The following UBE3A variants were observed in gnomAD, a reference collection of about 807,000 sequenced individuals.
The protein encoded by UBE3A is ubiquitin protein ligase E3A.
In UBE3A, 6 loss-of-function variants were observed where a neutral mutation model predicts 83.4. The ratio of observed to expected loss-of-function variants is 0.07; its 90% CI spans 0.04 to 0.14. UBE3A has a LOEUF of 0.14. Among genes scored for constraint, UBE3A ranks in the 10% least tolerant of loss-of-function variants. UBE3A has a pLI of 1.00. For missense variants in UBE3A, 456 were observed against 1,036.1 expected, an observed-to-expected ratio of 0.44 and a Z score of 7.69; for synonymous variants, 337 against 355.4, an observed-to-expected ratio of 0.95 and a Z score of 0.58.
Position 25,409,192 on chromosome 15 carries a change from C to T in UBE3A, c.-85G>A, listed in dbSNP as rs1042719021. 5.3e-6 allele frequency: 7 copies of T among 1,332,404 alleles called. No homozygotes were observed. The South Asian group carries it at 6.4e-5, about 12-fold the overall frequency. The allele number at this position is 1,332,404 out of a possible 1,614,324, so 82.5% of individuals were successfully genotyped here. A position where few individuals can be genotyped will look rare whatever the true frequency, so the allele number is the denominator to read the frequency against. On this transcript the variant is annotated 5_prime_UTR_variant, in exon 3 of 13. Transcript: ENST00000648336. Reference sequence around the variant, plus strand: ...AGTCTAGCTGCTACCTTGATCTGAGCGTAGGCTTAATAACTCTAATAAATT... The same window carrying T: ...AGTCTAGCTGCTACCTTGATCTGAGTGTAGGCTTAATAACTCTAATAAATT...
chr15:25,375,419 C>T, intron 5 of UBE3A, 46 bp downstream of exon 5: 8 of 1,599,568 alleles, frequency 5.0e-6, no homozygotes, highest in Non-Finnish European at 6.8e-6. Flanking sequence ...AAATCTCCCA[C>T]ATGGTTTTCA....
At chr15:25,349,920 G>A (rs1168875020) in intron 11 of UBE3A, among the ~76,000 whole-genome samples, 1 of 152,146 alleles carries the variant, frequency 6.6e-6, no homozygotes, top group South Asian at 2.1e-4. Context: ...TGCCCTGGGT[G>A]GAAAGGTGGG....
chr15:25,425,363 T>G (rs1891030469), intron 1 of UBE3A, among the ~76,000 whole-genome samples: 1 of 152,190 alleles, frequency 6.6e-6, no homozygotes, highest in Non-Finnish European at 1.5e-5. Flanking sequence ...ATGAAAATGT[T>G]CTAAAATTCA....
intron 1 of UBE3A, among the ~76,000 whole-genome samples, chr15:25,415,155 A>G (rs1449681335): frequency 6.6e-6 from 1 of 152,110 alleles, no homozygotes; most frequent in Non-Finnish European, 1.5e-5. Context: ...CCTCAAACTT[A>G]CCAACACTGT....
chr15:25,372,583 G>T (rs1313842150), intron 5 of UBE3A, among the ~76,000 whole-genome samples: 1 of 152,206 alleles, frequency 6.6e-6, no homozygotes, highest in Non-Finnish European at 1.5e-5. Flanking sequence ...CACAGAGTTG[G>T]ACCACATTTC....
intron 6 of UBE3A, among the ~76,000 whole-genome samples, chr15:25,365,855 T>C (rs1189644723): frequency 1.3e-5 from 2 of 152,046 alleles, no homozygotes; most frequent in African/African-American, 4.8e-5. Flanking sequence ...TCCAAATTAA[T>C]TTTTTCATGT....
chr15:25,399,387 G>A (rs1229634662), intron 4 of UBE3A, among the ~76,000 whole-genome samples: 1 of 152,148 alleles, frequency 6.6e-6, no homozygotes, highest in South Asian at 2.1e-4. Flanking sequence ...GGTATATGAT[G>A]TGAGATACAG....
intron 1 of UBE3A, among the ~76,000 whole-genome samples, chr15:25,436,577 A>G (rs1047311147): frequency 6.6e-5 from 10 of 152,148 alleles, no homozygotes; most frequent in Admixed American, 6.5e-4. Context: ...TTGAAATAGA[A>G]ATGATCGAAA....
rs995373267 is a variant in UBE3A at position 25,395,433 on chromosome 15, T to C, written c.62+10028A>G. On this transcript the variant is annotated intron_variant, in intron 4 of 12. Coordinates refer to ENST00000648336, the MANE Select transcript of UBE3A (RefSeq NM_130839.5). ...TTAAACAGAGTAAACAGAAGTATAA[T>C]GGTTAAAAAAAATAAAATGAATTAT... Among the ~76,000 whole-genome samples the C allele has an allele frequency of 5.9e-5, 9 of 152,198 alleles. No homozygotes were observed. The Middle Eastern group carries it at 0.01, about 173-fold the overall frequency.
At chr15:25,375,821 C>T in intron 4 of UBE3A, 58 bp from the exon 5 acceptor site, 1 of 1,589,004 alleles carries the variant, frequency 6.3e-7, no homozygotes, top group Admixed American at 1.7e-5. Flanking sequence ...AAGTACAAAG[C>T]TCAACATATC....
At chr15:25,426,073 T>C (rs1891238678) in intron 1 of UBE3A, among the ~76,000 whole-genome samples, 2 of 152,302 alleles carry the variant, frequency 1.3e-5, no homozygotes, top group South Asian at 2.1e-4. Flanking sequence ...ATTTACCTAC[T>C]AACTACAGAA....
At chr15:25,373,269 T>C (rs2080612811) in intron 5 of UBE3A, among the ~76,000 whole-genome samples, 1 of 152,168 alleles carries the variant, frequency 6.6e-6, no homozygotes. Context: ...ACTACTATCC[T>C]ATTAGGACAT....
At chr15:25,418,461 A>G (rs1888049400) in intron 1 of UBE3A, 2 of 152,186 alleles carry the variant, frequency 1.3e-5, no homozygotes, top group Admixed American at 1.3e-4. Flanking sequence ...AACAATATGG[A>G]TGAATCTCAA....
chr15:25,398,767 TTATTTATATATATATATATA>T (rs1410864512), intron 4 of UBE3A, among the ~76,000 whole-genome samples: 1 of 67,140 alleles, frequency 1.5e-5, no homozygotes, highest in African/African-American at 5.0e-5. Flanking sequence ...TTTTATTCTT[TTATTTATATATATATATATA>T]TATATATATA....
At chr15:25,431,590 G>C (rs1201150622) in intron 1 of UBE3A, among the ~76,000 whole-genome samples, 1 of 152,088 alleles carries the variant, frequency 6.6e-6, no homozygotes, top group East Asian at 1.9e-4. Context: ...TGATCCGTGT[G>C]CCTCGGCCTC....
At chr15:25,357,743 G>A (rs906187454) in intron 7 of UBE3A, among the ~76,000 whole-genome samples, 2 of 152,098 alleles carry the variant, frequency 1.3e-5, no homozygotes, top group African/African-American at 4.8e-5. Flanking sequence ...AATAAAATCA[G>A]ATGATCTGAA....
At chr15:25,360,633 CT>C (rs2077909378) in intron 6 of UBE3A, 106 bp from the exon 7 acceptor site, 1 of 1,348,258 alleles carries the variant, frequency 7.4e-7, no homozygotes, top group South Asian at 1.3e-5. Context: ...AAATTTTTGA[CT>C]TTTTGTATGT....
At chr15:25,436,595 T>A (rs1441665323) in intron 1 of UBE3A, among the ~76,000 whole-genome samples, 2 of 152,100 alleles carry the variant, frequency 1.3e-5, no homozygotes, top group African/African-American at 4.8e-5. Flanking sequence ...AAATAGAAAT[T>A]ATCTAAAGTT....
intron 6 of UBE3A, among the ~76,000 whole-genome samples, chr15:25,363,497 G>T (rs1212773943): frequency 6.6e-6 from 1 of 152,070 alleles, no homozygotes; most frequent in East Asian, 1.9e-4. Flanking sequence ...ACACCCTTAT[G>T]AGGAAGGAAA....
Sources: allele counts gnomAD v4.1 joint callset (sites outside exome capture counted in the v4.1 genomes callset), GRCh38; gene constraint gnomAD v4.1.1; transcripts MANE v1.5; gene names NCBI Gene and HGNC (gene_info 2026-07-23, HGNC 2026-07-21).